The following FGG variants were observed in gnomAD, a reference collection of about 807,000 sequenced individuals.
FGG encodes the protein fibrinogen, gamma polypeptide.
A neutral mutation model predicts 51.7 loss-of-function variants in FGG; 20 were observed. The ratio of observed to expected loss-of-function variants is 0.39; its 90% confidence interval spans 0.27 to 0.56. The LOEUF is 0.56. Ranked by LOEUF, FGG falls within the 20% of genes least tolerant of loss-of-function variation. The pLI is 0.64. For synonymous variants in FGG, 184 were observed against 184.7 expected, an observed-to-expected ratio of 1.00 and a Z score of 0.03; for missense variants, 460 against 534.2, an observed-to-expected ratio of 0.86 and a Z score of 1.37.
chr4:154,610,758 G>A (rs1731196429), intron 4 of FGG, among the ~76,000 whole-genome samples: 1 of 152,098 alleles, frequency 6.6e-6, no homozygotes, highest in Non-Finnish European at 1.5e-5. Flanking sequence ...GAACGTTATT[G>A]TATGTAAAAT....
intron 6 of FGG, among the ~76,000 whole-genome samples, chr4:154,609,412 A>T (rs1393941463): frequency 1.3e-5 from 2 of 151,912 alleles, no homozygotes; most frequent in Non-Finnish European, 2.9e-5. Flanking sequence ...TCAAATGCTG[A>T]CTCTGTTGCT....
rs747889986 is a variant in FGG at position 154,610,191 on chromosome 4, C to A, written c.408G>T (p.Leu136Phe). 1 of 1,561,306 alleles carries A rather than the reference C, an allele frequency of 6.4e-7. No individual in the cohort carries two copies. Among genetic ancestry groups the A allele is most frequent in the Non-Finnish European group, 8.8e-7 (1 of 1,132,392 alleles). Residue 136 changes from leucine (L) to phenylalanine (F), a missense_variant, in exon 5 of 9, where the codon TTG (leucine) becomes TTT (phenylalanine). By Grantham distance (22) the Leu-to-Phe change is conservative (BLOSUM62 0). Around this residue, in one of 3 missense-constraint regions of FGG, gnomAD observed 353 missense variants for 391.7 expected, o/e 0.90. Coordinates refer to ENST00000336098, the MANE Select transcript of FGG (RefSeq NM_021870.3). ...GATTATTTGAATTATATATTTCCTG[C>A]AAATATCTACAAACAGAAACATAAG... Reference protein sequence around the residue: ...ILTHDSSIRYLQEIYNSNNQK... With the variant: ...ILTHDSSIRYFQEIYNSNNQK...
chr4:154,607,287 A>G (rs1370353261), intron 7 of FGG, among the ~76,000 whole-genome samples: 1 of 150,190 alleles, frequency 6.7e-6, no homozygotes, highest in African/African-American at 2.5e-5. Flanking sequence ...TGTGTAGATG[A>G]CTCTAATTTC....
intron 8 of FGG, 66 bp from the exon 9 acceptor site, chr4:154,605,132 GAGCTGTCTATTACGAAGTGCAT>G: frequency 6.3e-7 from 1 of 1,575,564 alleles, no homozygotes; most frequent in Non-Finnish European, 8.7e-7. Flanking sequence ...AGTCTATGAA[GAGCTGTCTATTACGAAGTGCAT>G]TGCCAGTTAC....
rs184929084 is a variant in FGG, at chr4:154,607,640, A to G, written c.852-658T>C. ...AGAGTGGGGGAAAGGATGGGCCTTA[A>G]TGAATGAACAGAAATTTCCAGAAAA... is the stretch of plus-strand genomic sequence containing the variant. On this transcript the variant is annotated intron_variant, in intron 7 of 8. Transcript: ENST00000336098. 3.9e-5 allele frequency among the ~76,000 whole-genome samples: 6 copies of G among 152,292 alleles called. No homozygotes were observed. The East Asian group carries it at 9.6e-4, about 24-fold the overall frequency.
Position 154,612,455 on chromosome 4 carries a change from G to T in FGG, c.79-20C>A, listed in dbSNP as rs2981425. The T allele has an allele frequency of 2.5e-6, 4 of 1,613,698 alleles. No homozygotes were observed. Among genetic ancestry groups the T allele is most frequent in the Middle Eastern group, 1.6e-4 (1 of 6,070 alleles). The stretch of plus-strand genomic sequence containing the variant: ...AACATACTAAAAGAGAAAAAATACA[G>T]AAATTTCACTAGTTTATTATCTGTT... On this transcript the variant is annotated intron_variant, in intron 1 of 8. Coordinates refer to ENST00000336098, the MANE Select transcript of FGG (RefSeq NM_021870.3).
chr4:154,604,843 A>T lies in FGG; in HGVS notation c.1353T>A (p.Asp451Glu), dbSNP rs773676744. ...GTTAGCAGTTAATTTTCTACAAATC[A>T]TCCTCAGGGTAAAGTGAGTCATATT... ...ETEYDSLYPEDDL is the reference protein window; with the variant it reads ...ETEYDSLYPEEDL Residue 451 changes from aspartate (D) to glutamate (E), a missense_variant, in exon 9 of 9, where the codon GAT becomes GAA. Around this residue, in one of 3 missense-constraint regions of FGG, gnomAD observed 92 missense variants for 93.7 expected, o/e 0.98. Transcript: ENST00000336098. The T allele has an allele frequency of 6.2e-7, 1 of 1,614,008 alleles. No homozygotes were observed. The highest frequency in any genetic ancestry group is 2.2e-5 in the East Asian group (1 of 44,880).
chr4:154,604,929 C>T lies in FGG; in HGVS notation c.1267G>A (p.Gly423Arg). ...GCTCCCCCCAGGTGGTGTTGCTGTC[C>T]TTCTCCAATTGTGAGTCTGTTGAAT... ...IPFNRLTIGE[G>R]QQHHLGGAKQ... The change falls in exon 9 of 9, where the codon GGA becomes AGA. Residue 423 changes from glycine (G) to arginine (R), a missense_variant. Around this residue, in one of 3 missense-constraint regions of FGG, gnomAD observed 92 missense variants for 93.7 expected, o/e 0.98. Transcript: ENST00000336098. 1 of 1,614,030 alleles carries T rather than the reference C, an allele frequency of 6.2e-7. No individual in the cohort carries two copies. The highest frequency in any genetic ancestry group is 1.3e-5 in the African/African-American group (1 of 74,996).
At chr4:154,609,865 A>C (rs1731169952) in intron 5 of FGG, 102 bp from the exon 6 acceptor site, 2 of 1,579,368 alleles carry the variant, frequency 1.3e-6, no homozygotes, top group East Asian at 4.5e-5. Context: ...TTCATTTTCC[A>C]AGAATAATTT....
intron 8 of FGG, among the ~76,000 whole-genome samples, chr4:154,606,404 T>C (rs1370094951): frequency 6.6e-6 from 1 of 152,208 alleles, no homozygotes; most frequent in Non-Finnish European, 1.5e-5. Flanking sequence ...AGATCATTTA[T>C]GTTGTATGTC....
chr4:154,604,190 C>A lies in FGG; in HGVS notation c.*644G>T. On this transcript the variant is annotated 3_prime_UTR_variant, in exon 9 of 9. Transcript: ENST00000336098. ...ATGCATGTAGATAAATTATCATCAGCATAAAACTGTTATGGAGTTTTCAAC... is the reference window on the plus strand; with the variant it reads ...ATGCATGTAGATAAATTATCATCAGAATAAAACTGTTATGGAGTTTTCAAC... The A allele has an allele frequency of 1.9e-6, 1 of 527,206 alleles. No homozygotes were observed. Among genetic ancestry groups the A allele is most frequent in the South Asian group, 4.1e-5 (1 of 24,680 alleles). 32.7% of individuals were successfully genotyped at this position (527,206 alleles called of 1,614,324 possible). A position where few individuals can be genotyped will look rare whatever the true frequency, so the allele number is the denominator to read the frequency against.
chr4:154,612,266 A>G (rs1560837089), intron 2 of FGG, 65 bp from the exon 3 acceptor site: 3 of 1,587,490 alleles, frequency 1.9e-6, no homozygotes, highest in Non-Finnish European at 2.6e-6. Context: ...TAAGAAAAAT[A>G]GGTAAAACCT....
rs748525533 is a variant in FGG at position 154,612,044 on chromosome 4, T to A, written c.281A>T (p.Tyr94Phe). 1 of 1,613,152 alleles carries A rather than the reference T, an allele frequency of 6.2e-7. No individual in the cohort carries two copies. The highest frequency in any genetic ancestry group is 1.7e-5 in the Admixed American group (1 of 59,990). Residue 94 changes from tyrosine (Y) to phenylalanine (F), a missense_variant, in exon 3 of 9, where the codon TAT becomes TTT. Around this residue, in one of 3 missense-constraint regions of FGG, gnomAD observed 353 missense variants for 391.7 expected, o/e 0.90. Transcript: ENST00000336098. ...TGGTTTTGATGATTCATCAGGATTA[T>A]AAGTGAGTTGGATTGCTTTTATCAG... ...KQLIKAIQLT[Y>F]NPDESSKPNM... is the part of the protein sequence containing the mutation.
chr4:154,604,675 A>G lies in FGG; in HGVS notation c.*159T>C. ...TTTTTAAATAACTCTGATATCAGTA[A>G]TTTGGAAATACAGTCCTAAATGAGT... On this transcript the variant is annotated 3_prime_UTR_variant, in exon 9 of 9. Coordinates refer to ENST00000336098, the MANE Select transcript of FGG (RefSeq NM_021870.3). 1 of 1,430,134 alleles carries G rather than the reference A, an allele frequency of 7.0e-7. No individual in the cohort carries two copies. Among genetic ancestry groups the G allele is most frequent in the Non-Finnish European group, 9.1e-7 (1 of 1,093,904 alleles). The allele number at this position is 1,430,134 out of a possible 1,614,324, so 88.6% of individuals were successfully genotyped here.
In FGG at chr4:154,604,810, C is replaced by G; in HGVS notation, c.*24G>C. 1.9e-6 allele frequency: 3 copies of G among 1,613,152 alleles called. No individual in the cohort carries two copies. The highest frequency in any genetic ancestry group is 1.7e-6 in the Non-Finnish European group (2 of 1,179,806). ...AGAGAATTTCTGAAACTTTGTGGGT[C>G]AATAGAAGTTAGCAGTTAATTTTCT... On this transcript the variant is annotated 3_prime_UTR_variant, in exon 9 of 9. Transcript: ENST00000336098.
chr4:154,609,524 C>G (rs1731161546), intron 6 of FGG, 106 bp downstream of exon 6: 1 of 1,366,614 alleles, frequency 7.3e-7, no homozygotes, highest in Non-Finnish European at 1.0e-6. Context: ...AGGGCTATTG[C>G]AAGGATTAAA....
intron 7 of FGG, 66 bp from the exon 8 acceptor site, chr4:154,607,048 T>G: frequency 6.7e-7 from 1 of 1,494,030 alleles, no homozygotes. Flanking sequence ...GTTCCCTCTT[T>G]CGTAGGATGC....
At position 154,604,380 on chromosome 4, in the gene FGG, C is replaced by T. The variant is rs1232434011; in HGVS notation, c.*454G>A. ...CTGTGAATATATAACAAAACAAAAACCATATTAAAAAGACATAATTTTCTC... is the reference window on the plus strand; with the variant it reads ...CTGTGAATATATAACAAAACAAAAATCATATTAAAAAGACATAATTTTCTC... On this transcript the variant is annotated 3_prime_UTR_variant, in exon 9 of 9. Transcript: ENST00000336098. 2.0e-6 allele frequency: 3 copies of T among 1,480,012 alleles called. No homozygotes were observed. The highest frequency in any genetic ancestry group is 2.7e-6 in the Non-Finnish European group (3 of 1,116,402). The allele number at this position is 1,480,012 out of a possible 1,614,324, so 91.7% of individuals were successfully genotyped here.
At chr4:154,609,329 C>A (rs1382429336) in intron 6 of FGG, among the ~76,000 whole-genome samples, 2 of 152,068 alleles carry the variant, frequency 1.3e-5, no homozygotes, top group Admixed American at 6.6e-5. Flanking sequence ...TTATGTGCCA[C>A]CATGAATCTA....
Sources: allele counts gnomAD v4.1 joint callset (sites outside exome capture counted in the v4.1 genomes callset), GRCh38; gene constraint gnomAD v4.1.1; regional missense constraint gnomAD v4.1.1; transcripts MANE v1.5; gene names NCBI Gene and HGNC (gene_info 2026-07-23, HGNC 2026-07-21).